Variants in ATP6V0A1 observed in about 807,000 individuals in gnomAD.
ATP6V0A1 encodes the protein ATPase H+ transporting V0 subunit a1.
A neutral mutation model predicts 105.4 loss-of-function variants in ATP6V0A1; 43 were observed. That is an observed-to-expected ratio of 0.41 (90% CI 0.32 to 0.53). The LOEUF (loss-of-function observed/expected upper bound fraction) is 0.53, where lower values mean the gene tolerates loss of function less well. Ranked by LOEUF, ATP6V0A1 falls within the 20% of genes least tolerant of loss-of-function variation. ATP6V0A1 has a pLI of 0.30. For synonymous variants in ATP6V0A1, 362 were observed against 372.8 expected (o/e 0.97, Z 0.33); for missense variants, 676 against 1,051.1 (o/e 0.64, Z 4.93).
chr17:42,468,143 C>G, intron 4 of ATP6V0A1, 36 bp downstream of exon 4: 1 of 1,418,590 alleles, frequency 7.0e-7, no homozygotes, highest in Non-Finnish European at 9.7e-7. Context: ...AAGTTTCTTT[C>G]TACTTGAACG....
intron 5 of ATP6V0A1, among the ~76,000 whole-genome samples, chr17:42,475,695 G>A (rs903674480): frequency 1.3e-5 from 2 of 152,132 alleles, no homozygotes. Context: ...CCTTCAGTTA[G>A]TGAGTGGTTC....
chr17:42,463,389 T>A (rs1055214358), intron 2 of ATP6V0A1, among the ~76,000 whole-genome samples: 1 of 152,190 alleles, frequency 6.6e-6, no homozygotes, highest in Non-Finnish European at 1.5e-5. Context: ...TCTGTTTTGA[T>A]TGCTGTCATC....
In ATP6V0A1 at chr17:42,465,802, A is replaced by G. The variant is rs1007204612; in HGVS notation, c.118-627A>G. ...AACATGGTGAAACCCTGTCTCTACT[A>G]AAAATGCAAGAAAATTAGCTGGGCA... On this transcript the variant is annotated intron_variant, in intron 2 of 21. Transcript: ENST00000343619. 7.9e-5 allele frequency among the ~76,000 whole-genome samples: 12 copies of G among 151,696 alleles called. No homozygotes were observed. In the South Asian group the frequency reaches 1.3e-3, roughly 16 times the overall value.
intron 7 of ATP6V0A1, among the ~76,000 whole-genome samples, chr17:42,479,500 A>G (rs2089223948): frequency 6.6e-6 from 1 of 152,260 alleles, no homozygotes; most frequent in Non-Finnish European, 1.5e-5. Context: ...ACCAGTGAAG[A>G]TAAATGTACT....
intron 7 of ATP6V0A1, 71 bp from the exon 8 acceptor site, chr17:42,480,596 A>T (rs946788902): frequency 5.3e-5 from 78 of 1,461,806 alleles, no homozygotes; most frequent in Non-Finnish European, 6.8e-5. Flanking sequence ...TCACCAAAAA[A>T]GTGGGTTATT....
intron 16 of ATP6V0A1, 97 bp downstream of exon 16, chr17:42,501,020 TG>T: frequency 7.4e-7 from 1 of 1,345,378 alleles, no homozygotes; most frequent in Non-Finnish European, 1.1e-6. Context: ...TGCCCTTCTA[TG>T]GGACAATTCT....
intron 11 of ATP6V0A1, among the ~76,000 whole-genome samples, chr17:42,492,327 C>T (rs1024652113): frequency 6.6e-6 from 1 of 151,836 alleles, no homozygotes; most frequent in Non-Finnish European, 1.5e-5. Context: ...CGACATCATG[C>T]CACTGCACTC....
chr17:42,476,481 G>A (rs1464347528), intron 5 of ATP6V0A1, among the ~76,000 whole-genome samples: 4 of 152,196 alleles, frequency 2.6e-5, no homozygotes, highest in Admixed American at 1.3e-4. Flanking sequence ...TTGTGCTTTT[G>A]AAGAGGATGA....
At chr17:42,484,030 G>GT (rs1008709925) in intron 9 of ATP6V0A1, among the ~76,000 whole-genome samples, 7 of 151,960 alleles carry the variant, frequency 4.6e-5, no homozygotes, top group East Asian at 1.9e-4. Context: ...GTCTGAGATA[G>GT]TTTTTTTTGT....
Position 42,487,346 on chromosome 17 carries a change from G to A in ATP6V0A1, c.1002G>A (p.Gln334=), listed in dbSNP as rs2090196265. The change falls in exon 10 of 22, where the codon CAG becomes CAA. Residue 334 remains glutamine, a synonymous_variant. Coordinates refer to ENST00000343619, the MANE Select transcript of ATP6V0A1 (RefSeq NM_001130021.3). ...CTGTCACCGACCTTGACTCCATCCA[G>A]TTTGCACTCAGAAGGGGCACGGTGA... ...WCPVTDLDSI[Q]FALRRGTEHS... The A allele has an allele frequency of 3.1e-6, 5 of 1,614,006 alleles. No homozygotes were observed. In the Admixed American group the frequency reaches 6.7e-5, roughly 22 times the overall value.
rs1010853714 is a variant in ATP6V0A1 at position 42,500,852 on chromosome 17, C to T, written c.1825C>T (p.Leu609=). Residue 609 remains leucine (L), a synonymous_variant, in exon 16 of 22, where the codon CTG becomes TTG. Coordinates refer to ENST00000343619, the MANE Select transcript of ATP6V0A1 (RefSeq NM_001130021.3). ...AHTSENAPSL[L]IHFINMFLFS... The stretch of plus-strand genomic sequence containing the variant: ...TACCTCTGAGAATGCACCAAGCCTT[C>T]TGATCCATTTCATAAACATGTTCCT... 6.2e-7 allele frequency: 1 copy of T among 1,614,070 alleles called. No individual in the cohort carries two copies. The highest frequency in any genetic ancestry group is 1.3e-5 in the African/African-American group (1 of 74,928).
At chr17:42,467,101 C>A (rs527352211) in intron 3 of ATP6V0A1, among the ~76,000 whole-genome samples, 1 of 151,242 alleles carries the variant, frequency 6.6e-6, no homozygotes, top group Non-Finnish European at 1.5e-5. Flanking sequence ...GAGCTGAGAT[C>A]GCACCACTGC....
At position 42,460,868 on chromosome 17, in the gene ATP6V0A1, C is replaced by T. The variant is rs1293143023; in HGVS notation, c.-27C>T. 1 of 1,559,868 alleles carries T rather than the reference C, an allele frequency of 6.4e-7. No individual in the cohort carries two copies. The highest frequency in any genetic ancestry group is 2.2e-5 in the East Asian group (1 of 44,564). On this transcript the variant is annotated 5_prime_UTR_variant, in exon 2 of 22. Transcript: ENST00000343619. ...TTCAGGTTGGAGAGAAATCCAGGTA[C>T]TCACTAGACTGGTACCTTCTGCCAC...
At chr17:42,498,639 A>G (rs1050313484) in intron 14 of ATP6V0A1, among the ~76,000 whole-genome samples, 1 of 152,052 alleles carries the variant, frequency 6.6e-6, no homozygotes, top group Non-Finnish European at 1.5e-5. Context: ...ATCCTGGCTA[A>G]CACGGTGAAA....
intron 18 of ATP6V0A1, 134 bp downstream of exon 18, chr17:42,507,761 C>A: frequency 1.3e-6 from 1 of 761,074 alleles, no homozygotes; most frequent in Non-Finnish European, 2.2e-6. Context: ...GCCTTCTGGA[C>A]CTCTTAGGGC....
At chr17:42,462,998 C>CTTTTTTTT (rs35135162) in intron 2 of ATP6V0A1, among the ~76,000 whole-genome samples, 4 of 66,170 alleles carry the variant, frequency 6.0e-5, no homozygotes, top group East Asian at 5.0e-4. Flanking sequence ...GGATATGGAA[C>CTTTTTTTT]TTTTTTTTTT....
chr17:42,504,591 G>T (rs1248364181), intron 17 of ATP6V0A1, among the ~76,000 whole-genome samples: 1 of 152,158 alleles, frequency 6.6e-6, no homozygotes, highest in Non-Finnish European at 1.5e-5. Context: ...ACCTGGAGGT[G>T]TCCAGGCTCT....
In ATP6V0A1 at chr17:42,477,734, AAG is replaced by A; in HGVS notation, c.500_501del (p.Arg167ThrfsTer9). On this transcript the variant is annotated frameshift_variant, in exon 6 of 22. Transcript: ENST00000343619. LOFTEE classifies it high-confidence loss of function. ...PSEMGRGTPLRLGFVAGVINR... is the reference protein window; with the variant it reads ...PSEMGRGTPLXLGFVAGVINR... The stretch of plus-strand genomic sequence containing the variant: ...GTGAGATGGGAAGAGGCACTCCTTT[AAG>A]ACTTGGGTAAGTGCCATGTCAACTT... 6.2e-7 allele frequency: 1 copy of A among 1,613,334 alleles called. No individual in the cohort carries two copies. Among genetic ancestry groups the A allele is most frequent in the Non-Finnish European group, 8.5e-7 (1 of 1,179,448 alleles).
chr17:42,471,133 A>G (rs1424999731), intron 5 of ATP6V0A1: 1 of 148,546 alleles, frequency 6.7e-6, no homozygotes, highest in East Asian at 2.0e-4. Context: ...AAAAAAAAAA[A>G]ATGTAGGCTG....
Sources: allele counts gnomAD v4.1 joint callset (sites outside exome capture counted in the v4.1 genomes callset), GRCh38; gene constraint gnomAD v4.1.1; transcripts MANE v1.5; gene names NCBI Gene and HGNC (gene_info 2026-07-23, HGNC 2026-07-21).